CYB5R4: variants seen among roughly 807,000 people sequenced by gnomAD.
The protein encoded by CYB5R4 is N-terminal cytochrome b5 and cytochrome b5 oxidoreductase domain-containing protein.
In CYB5R4, 55 loss-of-function variants were observed where a neutral mutation model predicts 70.2. The observed-to-expected ratio is 0.78, with a 90% CI of 0.63 to 0.98. The LOEUF (loss-of-function observed/expected upper bound fraction) is 0.98. CYB5R4 is among the 50% of genes least tolerant of loss of function. The probability of loss-of-function intolerance (pLI) is 0.00; values close to 1 mark genes in which losing one functional copy is unlikely to be tolerated. For missense variants in CYB5R4, 562 were observed against 612.6 expected, an observed-to-expected ratio of 0.92 and a Z score of 0.87; for synonymous variants, 197 against 199.5, an observed-to-expected ratio of 0.99 and a Z score of 0.11.
chr6:83,878,332 T>C (rs2099458900), intron 2 of CYB5R4, among the ~76,000 whole-genome samples: 1 of 150,784 alleles, frequency 6.6e-6, no homozygotes. Flanking sequence ...TTGTATCTTT[T>C]AAAAAAGATG....
At chr6:83,905,951 G>A (rs1052315644) in intron 3 of CYB5R4, among the ~76,000 whole-genome samples, 6 of 152,164 alleles carry the variant, frequency 3.9e-5, no homozygotes, top group African/African-American at 1.4e-4. Flanking sequence ...TCAGGCCCCT[G>A]GGAGGAGTGT....
At chr6:83,958,839 A>T (rs1457621674) in intron 15 of CYB5R4, among the ~76,000 whole-genome samples, 1 of 152,186 alleles carries the variant, frequency 6.6e-6, no homozygotes, top group Non-Finnish European at 1.5e-5. Context: ...ATAAAAATGA[A>T]TAAATAATAA....
intron 11 of CYB5R4, among the ~76,000 whole-genome samples, 154 bp from the exon 12 acceptor site, chr6:83,936,070 A>G (rs2099468880): frequency 1.3e-5 from 2 of 152,136 alleles, no homozygotes; most frequent in African/African-American, 4.8e-5. Flanking sequence ...GGGTATATAT[A>G]CTATATACAT....
chr6:83,927,849 C>A (rs1214910480), intron 10 of CYB5R4, among the ~76,000 whole-genome samples: 1 of 152,104 alleles, frequency 6.6e-6, no homozygotes, highest in Admixed American at 6.6e-5. Context: ...CTGCTGGTTC[C>A]AATCCTTTAA....
At chr6:83,917,283 T>C (rs989720981) in intron 5 of CYB5R4, among the ~76,000 whole-genome samples, 18 of 152,122 alleles carry the variant, frequency 1.2e-4, no homozygotes, top group African/African-American at 4.3e-4. Context: ...CACTTTTTAC[T>C]GTGGTAAAAA....
At chr6:83,940,342 C>G (rs1373304849) in intron 13 of CYB5R4, 136 bp downstream of exon 13, 3 of 1,088,488 alleles carry the variant, frequency 2.8e-6, no homozygotes, top group Admixed American at 6.4e-5. Context: ...TTTGCCTCCT[C>G]TAATCCTAGC....
rs974791923 is a variant in CYB5R4, at chr6:83,898,543, A to G, written c.330+4921A>G. Reference sequence around the variant, plus strand: ...GATGGGGATGGCATTGAATCTATAAATTACCTTGGGCAGTATGGCCATTTT... The same window carrying G: ...GATGGGGATGGCATTGAATCTATAAGTTACCTTGGGCAGTATGGCCATTTT... On this transcript the variant is annotated intron_variant, in intron 3 of 15. Transcript: ENST00000369681. Among the ~76,000 whole-genome samples, 10 of 152,140 alleles carry G rather than the reference A, an allele frequency of 6.6e-5. No homozygotes were observed. The East Asian group carries it at 1.2e-3, about 18-fold the overall frequency.
chr6:83,927,138 T>C (rs2099467420), intron 10 of CYB5R4, among the ~76,000 whole-genome samples: 2 of 152,198 alleles, frequency 1.3e-5, no homozygotes, highest in South Asian at 4.1e-4. Context: ...TTTGTTGTTA[T>C]TTTAGGGGAT....
chr6:83,909,519 A>G (rs1164171218), intron 4 of CYB5R4, among the ~76,000 whole-genome samples: 1 of 152,150 alleles, frequency 6.6e-6, no homozygotes, highest in Admixed American at 6.6e-5. Context: ...AACTTCTTCT[A>G]AAGTATAACC....
intron 4 of CYB5R4, chr6:83,910,431 C>T (rs2099464496): frequency 6.6e-6 from 2 of 305,214 alleles, no homozygotes; most frequent in Admixed American, 4.6e-5. Context: ...GCCTGGCTGC[C>T]TTAATTTGCT....
chr6:83,884,737 TCTC>T (rs2099459987), intron 2 of CYB5R4, among the ~76,000 whole-genome samples: 3 of 152,172 alleles, frequency 2.0e-5, no homozygotes, highest in African/African-American at 7.2e-5. Flanking sequence ...ACACATCTTT[TCTC>T]CTCGTTTATT....
intron 9 of CYB5R4, among the ~76,000 whole-genome samples, chr6:83,923,647 A>G (rs934761695): frequency 6.6e-6 from 1 of 152,162 alleles, no homozygotes; most frequent in African/African-American, 2.4e-5. Flanking sequence ...TATTCAATAA[A>G]TAAAAAGGTA....
intron 3 of CYB5R4, among the ~76,000 whole-genome samples, chr6:83,898,942 T>C (rs1159815789): frequency 6.6e-6 from 1 of 152,226 alleles, no homozygotes; most frequent in Non-Finnish European, 1.5e-5. Context: ...TTTTCCTAAT[T>C]GAATACCCTT....
chr6:83,919,538 A>G (rs2099466034), intron 7 of CYB5R4, 84 bp downstream of exon 7: 7 of 623,916 alleles, frequency 1.1e-5, no homozygotes, highest in Non-Finnish European at 1.9e-5. Flanking sequence ...ACTTTTTTAT[A>G]TTATTTACTT....
Position 83,866,280 on chromosome 6 carries a change from T to G in CYB5R4, c.229+1952T>G, listed in dbSNP as rs529590254. On this transcript the variant is annotated intron_variant, in intron 2 of 15. Transcript: ENST00000369681. ...GTATTGATGGGGACAAGGGACTGGATTGCTGTGTTTGAAAAGTGATACAGG... is the reference window on the plus strand; with the variant it reads ...GTATTGATGGGGACAAGGGACTGGAGTGCTGTGTTTGAAAAGTGATACAGG... 7.0e-4 allele frequency among the ~76,000 whole-genome samples: 106 copies of G among 152,320 alleles called. 1 individual carries two copies. The highest frequency in any genetic ancestry group is 2.5e-3 in the African/African-American group (104 of 41,576).
rs1263571989 is a variant in CYB5R4 at position 83,960,052 on chromosome 6, T to C, written c.*174T>C. On this transcript the variant is annotated 3_prime_UTR_variant, in exon 16 of 16. Coordinates refer to ENST00000369681, the MANE Select transcript of CYB5R4 (RefSeq NM_016230.4). ...CAGGTAACTTCTTGGCTTTCTTTTGTACCACAACTTATTTTACTACTGATA... is the reference window on the plus strand; with the variant it reads ...CAGGTAACTTCTTGGCTTTCTTTTGCACCACAACTTATTTTACTACTGATA... 1.1e-5 allele frequency: 5 copies of C among 458,112 alleles called. No homozygotes were observed. The highest frequency in any genetic ancestry group is 1.9e-5 in the Non-Finnish European group (5 of 263,934). The allele number at this position is 458,112 out of a possible 1,614,324, so 28.4% of individuals were successfully genotyped here. A position where few individuals can be genotyped will look rare whatever the true frequency, so the allele number is the denominator to read the frequency against.
Position 83,864,224 on chromosome 6 carries a change from A to G in CYB5R4, c.125A>G (p.Lys42Arg). 9 of 1,613,212 alleles carry G rather than the reference A, an allele frequency of 5.6e-6. No individual in the cohort carries two copies. The highest frequency in any genetic ancestry group is 6.8e-6 in the Non-Finnish European group (8 of 1,179,578). Residue 42 changes from lysine to arginine, a missense_variant, in exon 2 of 16, where the codon AAA becomes AGA. Coordinates refer to ENST00000369681, the MANE Select transcript of CYB5R4 (RefSeq NM_016230.4). ...CTTATGGATTGGATTCGACTGACCAAAAGTGGAAAGGATCTAACGGGATTA... is the reference window on the plus strand; with the variant it reads ...CTTATGGATTGGATTCGACTGACCAGAAGTGGAAAGGATCTAACGGGATTA... ...RSLMDWIRLT[K>R]SGKDLTGLKG... is the part of the protein sequence containing the mutation.
chr6:83,864,151 A>C (rs372037484), intron 1 of CYB5R4, 24 bp from the exon 2 acceptor site: 1 of 1,532,804 alleles, frequency 6.5e-7, no homozygotes, highest in Non-Finnish European at 8.7e-7. Context: ...AGCTAGATTT[A>C]ATTCTTCCTT....
intron 2 of CYB5R4, among the ~76,000 whole-genome samples, chr6:83,865,999 T>A (rs2099456668): frequency 6.6e-6 from 1 of 152,198 alleles, no homozygotes; most frequent in African/African-American, 2.4e-5. Flanking sequence ...GCTCCCTATC[T>A]GTTTACCAGC....
Sources: allele counts gnomAD v4.1 joint callset (sites outside exome capture counted in the v4.1 genomes callset), GRCh38; gene constraint gnomAD v4.1.1; transcripts MANE v1.5; gene names NCBI Gene and HGNC (gene_info 2026-07-23, HGNC 2026-07-21).